DNAH11: variants seen among roughly 807,000 people sequenced by gnomAD.
DNAH11 encodes dynein axonemal heavy chain 11, also known as axonemal beta dynein heavy chain 11.
A neutral mutation model predicts 526.0 loss-of-function variants in DNAH11; 442 were observed. That is an observed-to-expected ratio of 0.84 (90% CI 0.78 to 0.91). The LOEUF is 0.91. Among genes scored for constraint, DNAH11 ranks in the 40% least tolerant of loss-of-function variants. The pLI is 0.00. For synonymous variants in DNAH11, 2,461 were observed against 1,935.9 expected (o/e 1.27, Z -7.12); for missense variants, 6,989 against 5,448.7 (o/e 1.28, Z -8.90).
chr7:21,876,919 G>A (rs1783736515), intron 74 of DNAH11, among the ~76,000 whole-genome samples: 1 of 152,198 alleles, frequency 6.6e-6, no homozygotes. Context: ...GCAACCATAT[G>A]CCCAGCTAAA....
intron 57 of DNAH11, among the ~76,000 whole-genome samples, chr7:21,782,977 A>G (rs747600112): frequency 4.7e-5 from 7 of 149,048 alleles, no homozygotes; most frequent in Non-Finnish European, 1.0e-4. Context: ...ATCCAGTACC[A>G]AAAATCTATG....
At chr7:21,665,096 T>A (rs188303937) in intron 30 of DNAH11, among the ~76,000 whole-genome samples, 1 of 151,682 alleles carries the variant, frequency 6.6e-6, no homozygotes, top group African/African-American at 2.4e-5. Flanking sequence ...TCTCTCTCTC[T>A]CTCACTCTCT....
intron 55 of DNAH11, among the ~76,000 whole-genome samples, chr7:21,766,221 A>G (rs1289864052): frequency 6.6e-6 from 1 of 152,242 alleles, no homozygotes; most frequent in East Asian, 1.9e-4. Flanking sequence ...TGTACAAAAC[A>G]AAACAACAAA....
intron 56 of DNAH11, among the ~76,000 whole-genome samples, chr7:21,778,208 A>G (rs898192472): frequency 1.3e-5 from 2 of 152,174 alleles, no homozygotes; most frequent in African/African-American, 4.8e-5. Context: ...TCTTTTTAGC[A>G]GATGAATTCA....
chr7:21,870,024 C>T (rs1783435252), intron 73 of DNAH11, among the ~76,000 whole-genome samples: 1 of 152,158 alleles, frequency 6.6e-6, no homozygotes, highest in African/African-American at 2.4e-5. Context: ...CAAAGGTTCT[C>T]GTCAGTAGGC....
intron 14 of DNAH11, among the ~76,000 whole-genome samples, chr7:21,593,111 G>T (rs1784746144): frequency 6.6e-6 from 1 of 152,152 alleles, no homozygotes; most frequent in Non-Finnish European, 1.5e-5. Context: ...TAGCCTCGAA[G>T]TCCTCCCTAG....
chr7:21,733,259 G>C (rs1785459899), intron 45 of DNAH11, among the ~76,000 whole-genome samples: 1 of 152,154 alleles, frequency 6.6e-6, no homozygotes, highest in African/African-American at 2.4e-5. Context: ...ATGGTGGCAG[G>C]CGCCTGTAAT....
chr7:21,704,340 C>A (rs1164370158), intron 37 of DNAH11, 94 bp from the exon 38 acceptor site: 22 of 1,245,270 alleles, frequency 1.8e-5, no homozygotes, highest in Non-Finnish European at 2.3e-5. Flanking sequence ...TCTCATGCTT[C>A]ACATATGAGG....
chr7:21,875,312 T>C (rs1783662132), intron 74 of DNAH11, among the ~76,000 whole-genome samples: 1 of 152,240 alleles, frequency 6.6e-6, no homozygotes, highest in South Asian at 2.1e-4. Flanking sequence ...TTTATTTAAA[T>C]AGGACTTATC....
chr7:21,594,496 C>G (rs995304268), intron 14 of DNAH11, among the ~76,000 whole-genome samples: 1 of 152,044 alleles, frequency 6.6e-6, no homozygotes, highest in African/African-American at 2.4e-5. Context: ...AGAACTGGTA[C>G]GCGCTGCAGG....
intron 65 of DNAH11, among the ~76,000 whole-genome samples, 175 bp from the exon 66 acceptor site, chr7:21,842,369 G>C (rs180911034): frequency 5.4e-4 from 82 of 152,174 alleles, no homozygotes; most frequent in African/African-American, 1.8e-3. Context: ...ATAGAGATTT[G>C]CTGGGTGATT....
chr7:21,606,880 T>C, intron 20 of DNAH11, 147 bp downstream of exon 20: 1 of 708,664 alleles, frequency 1.4e-6, no homozygotes, highest in East Asian at 2.7e-5. Context: ...CAATTTCCCC[T>C]TAAGTAAATT....
chr7:21,581,593 G>A (rs1784307562), intron 8 of DNAH11, among the ~76,000 whole-genome samples: 1 of 152,186 alleles, frequency 6.6e-6, no homozygotes. Flanking sequence ...ATTGGGAGTA[G>A]GAGGAGAGAC....
At chr7:21,852,082 A>T (rs1782660739) in intron 66 of DNAH11, among the ~76,000 whole-genome samples, 1 of 152,120 alleles carries the variant, frequency 6.6e-6, no homozygotes, top group African/African-American at 2.4e-5. Flanking sequence ...GATTCCATGA[A>T]ATTTGTGATT....
chr7:21,800,453 G>A (rs1369217035), intron 61 of DNAH11, among the ~76,000 whole-genome samples: 12 of 152,048 alleles, frequency 7.9e-5, no homozygotes, highest in Non-Finnish European at 1.3e-4. Flanking sequence ...CCAACATGGC[G>A]AAACCTCATC....
intron 68 of DNAH11, among the ~76,000 whole-genome samples, chr7:21,855,636 TCCAAAGC>T (rs1186013598): frequency 3.3e-5 from 5 of 152,196 alleles, no homozygotes; most frequent in Non-Finnish European, 5.9e-5. Context: ...TGTAACTGTT[TCCAAAGC>T]CCACGCTCCA....
intron 40 of DNAH11, among the ~76,000 whole-genome samples, chr7:21,708,666 C>T (rs985474317): frequency 4.5e-4 from 69 of 152,166 alleles, no homozygotes; most frequent in African/African-American, 1.6e-3. Context: ...CTTCATTTCC[C>T]ACCACTTACT....
intron 4 of DNAH11, among the ~76,000 whole-genome samples, chr7:21,560,727 G>A (rs1189384687): frequency 1.3e-5 from 2 of 152,090 alleles, no homozygotes; most frequent in African/African-American, 4.8e-5. Context: ...GCCTCTCCCA[G>A]TCCATTGACT....
At position 21,655,954 on chromosome 7, in the gene DNAH11, C is replaced by A. The variant is rs374856649; in HGVS notation, c.5067C>A (p.Phe1689Leu). The A allele has an allele frequency of 1.2e-6, 2 of 1,607,702 alleles. No homozygotes were observed. Among genetic ancestry groups the A allele is most frequent in the Admixed American group, 1.7e-5 (1 of 59,476 alleles). The stretch of plus-strand genomic sequence containing the variant: ...GCAAAGAAAAGGAGTATGTCCCATT[C>A]CAAGCCGAGTGTGAATGTGTGGGCC... ...MYSKEKEYVPFQAECECVGHV... is the reference protein window; with the variant it reads ...MYSKEKEYVPLQAECECVGHV... Residue 1689 changes from phenylalanine (F) to leucine (L), a missense_variant, in exon 29 of 82, where the codon TTC (phenylalanine) becomes TTA (leucine). Phe to Leu is a conservative substitution (Grantham distance 22, BLOSUM62 0). Coordinates refer to ENST00000409508, the MANE Select transcript of DNAH11 (RefSeq NM_001277115.2).
Sources: gnomAD v4.1 joint callset for allele counts (sites outside exome capture counted in the v4.1 genomes callset) on GRCh38, gnomAD v4.1.1 for gene constraint, MANE v1.5 for transcripts, NCBI Gene and HGNC (gene_info 2026-07-23, HGNC 2026-07-21) for gene names.